FBXL17: variants seen among roughly 807,000 people sequenced by gnomAD.
FBXL17 encodes the protein F-box and leucine rich repeat protein 17.
A neutral mutation model predicts 66.2 loss-of-function variants in FBXL17; 22 were observed. The observed-to-expected ratio is 0.33, with a 90% confidence interval of 0.24 to 0.47. The LOEUF (loss-of-function observed/expected upper bound fraction) is 0.47, where lower values mean the gene tolerates loss of function less well. Ranked by LOEUF, FBXL17 falls within the 20% of genes least tolerant of loss-of-function variation. FBXL17 has a pLI of 1.00. For synonymous variants in FBXL17, 474 were observed against 400.5 expected, an observed-to-expected ratio of 1.18 and a Z score of -2.19; for missense variants, 878 against 948.2, an observed-to-expected ratio of 0.93 and a Z score of 0.97.
intron 6 of FBXL17, among the ~76,000 whole-genome samples, chr5:108,066,220 A>G (rs1748113184): frequency 1.3e-5 from 2 of 152,142 alleles, no homozygotes. Flanking sequence ...GATTATTCAA[A>G]CTCAGCTAAT....
At chr5:108,281,976 T>C (rs1292782073) in intron 4 of FBXL17, among the ~76,000 whole-genome samples, 1 of 151,476 alleles carries the variant, frequency 6.6e-6, no homozygotes, top group Non-Finnish European at 1.5e-5. Flanking sequence ...ATAGAAAACC[T>C]GAACAAACTA....
intron 6 of FBXL17, among the ~76,000 whole-genome samples, chr5:108,088,668 T>C (rs939212868): frequency 1.1e-4 from 13 of 122,916 alleles, no homozygotes; most frequent in African/African-American, 2.9e-4. Flanking sequence ...GCCACTGCAC[T>C]CCAGCCTGGC....
At chr5:108,244,811 A>T (rs1403134523) in intron 4 of FBXL17, among the ~76,000 whole-genome samples, 1 of 152,208 alleles carries the variant, frequency 6.6e-6, no homozygotes, top group Non-Finnish European at 1.5e-5. Context: ...TCCAGTTAGT[A>T]AAATATCAGT....
At chr5:108,241,935 A>G (rs958354600) in intron 4 of FBXL17, among the ~76,000 whole-genome samples, 11 of 152,184 alleles carry the variant, frequency 7.2e-5, no homozygotes, top group African/African-American at 2.7e-4. Flanking sequence ...TCCTTTGAAC[A>G]TGAAGGAGGA....
chr5:108,119,434 G>T (rs1750388928), intron 6 of FBXL17, among the ~76,000 whole-genome samples: 1 of 152,212 alleles, frequency 6.6e-6, no homozygotes, highest in African/African-American at 2.4e-5. Flanking sequence ...CAGGTGCCCA[G>T]CCAGCTGTGA....
At chr5:108,042,214 T>A (rs1474134028) in intron 6 of FBXL17, among the ~76,000 whole-genome samples, 2 of 152,168 alleles carry the variant, frequency 1.3e-5, no homozygotes. Flanking sequence ...TATCAAACTT[T>A]TTATTTTGTA....
chr5:108,307,228 A>G (rs1216415704), intron 4 of FBXL17, among the ~76,000 whole-genome samples: 1 of 152,118 alleles, frequency 6.6e-6, no homozygotes, highest in African/African-American at 2.4e-5. Flanking sequence ...AAAGAGAAAA[A>G]GCTTTAAATT....
At chr5:108,295,050 G>C (rs189192212) in intron 4 of FBXL17, among the ~76,000 whole-genome samples, 43 of 151,996 alleles carry the variant, frequency 2.8e-4, no homozygotes, top group African/African-American at 1.0e-3. Context: ...GTTATTTAGA[G>C]TGACATTACT....
At chr5:108,178,669 C>A (rs1289304468) in intron 6 of FBXL17, among the ~76,000 whole-genome samples, 24 of 152,196 alleles carry the variant, frequency 1.6e-4, no homozygotes, top group Non-Finnish European at 1.5e-5. Context: ...TAACCAGGCA[C>A]ATTATTAGGC....
intron 4 of FBXL17, among the ~76,000 whole-genome samples, chr5:108,240,334 T>C (rs1476586584): frequency 1.3e-5 from 2 of 152,070 alleles, no homozygotes; most frequent in African/African-American, 4.8e-5. Flanking sequence ...CCAACTGCCC[T>C]GAAGGTGAGT....
intron 3 of FBXL17, among the ~76,000 whole-genome samples, chr5:108,351,270 G>A (rs1351869770): frequency 1.3e-5 from 2 of 152,112 alleles, no homozygotes; most frequent in South Asian, 2.1e-4. Context: ...GAGAGGATAA[G>A]ACACAGGGAA....
At chr5:107,866,050 A>T (rs1748261548) in intron 8 of FBXL17, among the ~76,000 whole-genome samples, 1 of 151,622 alleles carries the variant, frequency 6.6e-6, no homozygotes, top group African/African-American at 2.4e-5. Flanking sequence ...CAACTCATAA[A>T]ATATATGTAA....
chr5:108,013,438 G>T (rs575592682), intron 7 of FBXL17, among the ~76,000 whole-genome samples: 21 of 152,238 alleles, frequency 1.4e-4, no homozygotes, highest in African/African-American at 4.8e-4. Flanking sequence ...ACCTGTTCTT[G>T]CTCTGAGCCT....
chr5:108,364,437 C>A (rs1258538739), intron 3 of FBXL17, among the ~76,000 whole-genome samples: 5 of 151,716 alleles, frequency 3.3e-5, no homozygotes, highest in Non-Finnish European at 7.4e-5. Flanking sequence ...CTCATGCTGA[C>A]CAAAACTACG....
chr5:108,319,376 T>G lies in FBXL17; in HGVS notation c.1506+29023A>C, dbSNP rs550410255. 5.3e-5 allele frequency among the ~76,000 whole-genome samples: 8 copies of G among 151,998 alleles called. No homozygotes were observed. The South Asian group carries it at 1.7e-3, about 31-fold the overall frequency. Reference sequence around the variant, plus strand: ...TATCTTATTTCTTGAATTAAAGCATTTGTAATTTGGTTGGGACAAGTAACT... The same window carrying G: ...TATCTTATTTCTTGAATTAAAGCATGTGTAATTTGGTTGGGACAAGTAACT... On this transcript the variant is annotated intron_variant, in intron 4 of 8. Coordinates refer to ENST00000542267, the MANE Select transcript of FBXL17 (RefSeq NM_001163315.3).
chr5:108,160,129 G>A lies in FBXL17; in HGVS notation c.1745+25988C>T, dbSNP rs1209538021. ...ACCTATTTGTACTCACGTTGGCCAG[G>A]TTTTACAAAACCCAGATCTTAAAAT... On this transcript the variant is annotated intron_variant, in intron 6 of 8. Transcript: ENST00000542267. 3.3e-5 allele frequency among the ~76,000 whole-genome samples: 5 copies of A among 152,272 alleles called. No individual in the cohort carries two copies. The East Asian group carries it at 5.8e-4, about 18-fold the overall frequency.
intron 4 of FBXL17, among the ~76,000 whole-genome samples, chr5:108,283,640 G>C (rs572434945): frequency 4.0e-4 from 61 of 151,606 alleles, no homozygotes; most frequent in Admixed American, 7.9e-4. Context: ...TTTAGATTAA[G>C]ACCTCAAAAG....
At chr5:107,943,036 T>A (rs1435025783) in intron 7 of FBXL17, among the ~76,000 whole-genome samples, 1 of 152,188 alleles carries the variant, frequency 6.6e-6, no homozygotes, top group African/African-American at 2.4e-5. Flanking sequence ...GAATGCTCCT[T>A]GCCCTGCCTC....
chr5:108,140,061 T>C (rs1411912461), intron 6 of FBXL17, among the ~76,000 whole-genome samples: 2 of 152,174 alleles, frequency 1.3e-5, no homozygotes, highest in Non-Finnish European at 2.9e-5. Context: ...TTTTGTTTGT[T>C]TGTTTGAGAC....
Sources: gnomAD v4.1 joint callset for allele counts (sites outside exome capture counted in the v4.1 genomes callset) on GRCh38, gnomAD v4.1.1 for gene constraint, MANE v1.5 for transcripts, NCBI Gene and HGNC (gene_info 2026-07-23, HGNC 2026-07-21) for gene names.